Variants in APBA1 observed in about 807,000 individuals in gnomAD.
The protein encoded by APBA1 is amyloid-beta A4 precursor protein-binding family A member 1.
Under a neutral mutation model 86.6 loss-of-function variants are expected in APBA1, and 55 were observed. The observed-to-expected ratio is 0.64, with a 90% CI of 0.51 to 0.80. The LOEUF is 0.80. Among genes scored for constraint, APBA1 ranks in the 30% least tolerant of loss-of-function variants. The probability of loss-of-function intolerance (pLI) is 0.00; values close to 1 mark genes in which losing one functional copy is unlikely to be tolerated. For missense variants in APBA1, 1,090 were observed against 1,183.0 expected, an observed-to-expected ratio of 0.92 and a Z score of 1.15; for synonymous variants, 511 against 493.9, an observed-to-expected ratio of 1.03 and a Z score of -0.46.
rs76826454 is a variant in APBA1, at chr9:69,571,871, C to A, written c.-69-54592G>T. Among the ~76,000 whole-genome samples the A allele has an allele frequency of 8.0e-3, 1,223 of 152,232 alleles. 15 individuals are homozygous for A. Among genetic ancestry groups the A allele is most frequent in the African/African-American group, 0.028 (1,155 of 41,536 alleles). On this transcript the variant is annotated intron_variant, in intron 1 of 12. Transcript: ENST00000265381. ...CATCCTAACTGCTTTATGTGGAAAA[C>A]GAGGCTGTCATTGATTTGACCTCTG...
In APBA1 at chr9:69,440,119, C is replaced by A. The variant is rs199503845; in HGVS notation, c.2301+877G>T. 1.1e-3 allele frequency among the ~76,000 whole-genome samples: 174 copies of A among 152,316 alleles called. 3 individuals carry two copies. The East Asian group carries it at 0.025, about 22-fold the overall frequency. On this transcript the variant is annotated intron_variant, in intron 11 of 12. Transcript: ENST00000265381. ...AGCGGATATTGGTGAACCGCAAATG[C>A]TGCTGCCTGATCGTTCCTCTGGAAG...
chr9:69,467,146 T>C (rs1161817225), intron 5 of APBA1, among the ~76,000 whole-genome samples: 2 of 152,260 alleles, frequency 1.3e-5, no homozygotes, highest in Non-Finnish European at 2.9e-5. Flanking sequence ...TCTGTGTTGC[T>C]GCATTTATTC....
At chr9:69,469,946 C>G (rs1278612778) in intron 4 of APBA1, among the ~76,000 whole-genome samples, 1 of 152,210 alleles carries the variant, frequency 6.6e-6, no homozygotes, top group African/African-American at 2.4e-5. Context: ...ACTACCTTCT[C>G]TACGGGACTT....
rs867708564 is a variant in APBA1, at chr9:69,437,172, A to G, written c.2301+3824T>C. Among the ~76,000 whole-genome samples, 536 of 151,534 alleles carry G rather than the reference A, an allele frequency of 3.5e-3. 2 individuals are homozygous for G. The highest frequency in any genetic ancestry group is 0.01 in the Middle Eastern group (3 of 292). On this transcript the variant is annotated intron_variant, in intron 11 of 12. Coordinates refer to ENST00000265381, the MANE Select transcript of APBA1 (RefSeq NM_001163.4). ...AGCTTTTTGATGTGTTGCTGGATTC[A>G]GTTTGCCAGTATTTTATTGAGGATT...
Position 69,553,739 on chromosome 9 carries a change from G to C in APBA1, c.-69-36460C>G, listed in dbSNP as rs183985413. On this transcript the variant is annotated intron_variant, in intron 1 of 12. Transcript: ENST00000265381. ...GAGAATTCTAAGTTTAGGAGCCACA[G>C]ATCTTTTCTACAGACTGTTCTACAT... Among the ~76,000 whole-genome samples, 17 of 152,290 alleles carry C rather than the reference G, an allele frequency of 1.1e-4. No individual in the cohort carries two copies. The East Asian group carries it at 1.2e-3, about 10-fold the overall frequency.
At chr9:69,619,357 T>C (rs566023731) in intron 1 of APBA1, among the ~76,000 whole-genome samples, 1 of 152,122 alleles carries the variant, frequency 6.6e-6, no homozygotes, top group Non-Finnish European at 1.5e-5. Context: ...GGGAAGGAAA[T>C]ATGAGACACA....
chr9:69,494,087 G>C (rs1835756986), intron 2 of APBA1, among the ~76,000 whole-genome samples: 1 of 151,970 alleles, frequency 6.6e-6, no homozygotes, highest in Admixed American at 6.6e-5. Flanking sequence ...AAGCACATTT[G>C]TATTTCTTTA....
chr9:69,483,031 A>T (rs905738970), intron 2 of APBA1, among the ~76,000 whole-genome samples: 8 of 150,140 alleles, frequency 5.3e-5, no homozygotes, highest in Non-Finnish European at 1.2e-4. Context: ...ATGCCGAGTT[A>T]GTGGGTGCAG....
chr9:69,541,091 T>C (rs1421341537), intron 1 of APBA1, among the ~76,000 whole-genome samples: 2 of 152,200 alleles, frequency 1.3e-5, no homozygotes, highest in Non-Finnish European at 2.9e-5. Context: ...CAGTCATCTA[T>C]TAATGGACAT....
At chr9:69,435,032 G>T (rs1229790258) in intron 11 of APBA1, among the ~76,000 whole-genome samples, 1 of 145,854 alleles carries the variant, frequency 6.9e-6, no homozygotes, top group Non-Finnish European at 1.5e-5. Context: ...ACCTATGAGT[G>T]AGAACATGCA....
intron 1 of APBA1, among the ~76,000 whole-genome samples, chr9:69,586,216 G>A (rs1854703): frequency 0.51 from 77,602 of 152,028 alleles, 22,084 homozygotes; most frequent in East Asian, 0.82. Context: ...CTAACTCTAC[G>A]TGCTGAATGT....
At chr9:69,652,727 A>G (rs887518817) in intron 1 of APBA1, among the ~76,000 whole-genome samples, 2 of 152,238 alleles carry the variant, frequency 1.3e-5, no homozygotes, top group Non-Finnish European at 2.9e-5. Flanking sequence ...GCAGTGGCTC[A>G]TGCCTGTGAT....
chr9:69,530,340 A>ACC (rs1836410191), intron 1 of APBA1, among the ~76,000 whole-genome samples: 1 of 149,224 alleles, frequency 6.7e-6, no homozygotes, highest in South Asian at 2.1e-4. Context: ...ACACACACAC[A>ACC]CACACACACA....
At chr9:69,503,139 A>C (rs1282991967) in intron 2 of APBA1, among the ~76,000 whole-genome samples, 2 of 152,120 alleles carry the variant, frequency 1.3e-5, no homozygotes, top group Non-Finnish European at 2.9e-5. Flanking sequence ...AAATGTACAG[A>C]AGTGTTTGCC....
intron 1 of APBA1, among the ~76,000 whole-genome samples, chr9:69,590,263 C>A (rs1822104509): frequency 6.6e-6 from 1 of 152,202 alleles, no homozygotes. Flanking sequence ...TAGCCCAGTT[C>A]CTGGCAGATC....
intron 1 of APBA1, among the ~76,000 whole-genome samples, chr9:69,619,163 C>T (rs1352198501): frequency 6.6e-6 from 1 of 152,044 alleles, no homozygotes; most frequent in Admixed American, 6.5e-5. Context: ...ATTTAAGTCC[C>T]CACTCTCAAG....
At chr9:69,556,499 G>A (rs1223658687) in intron 1 of APBA1, among the ~76,000 whole-genome samples, 2 of 152,134 alleles carry the variant, frequency 1.3e-5, no homozygotes, top group East Asian at 3.9e-4. Context: ...TGATGCCCAG[G>A]GCCAGTTTGT....
At position 69,529,829 on chromosome 9, in the gene APBA1, A is replaced by C. The variant is rs148266826; in HGVS notation, c.-69-12550T>G. Among the ~76,000 whole-genome samples the C allele has an allele frequency of 7.3e-3, 1,118 of 152,274 alleles. 11 individuals carry two copies. Among genetic ancestry groups the C allele is most frequent in the African/African-American group, 0.025 (1,042 of 41,550 alleles). On this transcript the variant is annotated intron_variant, in intron 1 of 12. Coordinates refer to ENST00000265381, the MANE Select transcript of APBA1 (RefSeq NM_001163.4). ...GGACTAATATCCAGAATCCACAAGG[A>C]ACTCAAACAACTCAACAAGAAAAAA...
intron 11 of APBA1, among the ~76,000 whole-genome samples, chr9:69,436,254 C>T (rs1299158082): frequency 1.3e-5 from 2 of 149,860 alleles, no homozygotes; most frequent in Non-Finnish European, 3.0e-5. Context: ...ATTGACTTGG[C>T]AATGTGGGCT....
Sources: allele counts gnomAD v4.1 joint callset (sites outside exome capture counted in the v4.1 genomes callset), GRCh38; gene constraint gnomAD v4.1.1; transcripts MANE v1.5; gene names NCBI Gene and HGNC (gene_info 2026-07-23, HGNC 2026-07-21).